Variants in GABRA1 observed in about 807,000 individuals in gnomAD.
GABRA1 encodes the protein gamma-aminobutyric acid receptor subunit alpha-1.
Under a neutral mutation model 48.9 loss-of-function variants are expected in GABRA1, and 9 were observed. The ratio of observed to expected loss-of-function variants is 0.18; its 90% CI spans 0.11 to 0.32. The LOEUF (loss-of-function observed/expected upper bound fraction) is 0.32. GABRA1 is among the 10% of genes least tolerant of loss of function. GABRA1 has a pLI of 1.00. For synonymous variants in GABRA1, 210 were observed against 198.7 expected (o/e 1.06, Z -0.48); for missense variants, 285 against 553.8 (o/e 0.51, Z 4.87).
intron 3 of GABRA1, among the ~76,000 whole-genome samples, chr5:161,859,006 T>C (rs915419697): frequency 1.2e-4 from 18 of 151,772 alleles, no homozygotes; most frequent in Non-Finnish European, 1.6e-4. Flanking sequence ...AGTAAGATTG[T>C]AGGTAGAGAA....
At chr5:161,870,103 C>A in intron 4 of GABRA1, among the ~76,000 whole-genome samples, 1 of 152,166 alleles carries the variant, frequency 6.6e-6, no homozygotes, top group East Asian at 1.9e-4. Flanking sequence ...ACTCACTTCT[C>A]ACGATTGCAG....
intron 4 of GABRA1, among the ~76,000 whole-genome samples, chr5:161,868,188 T>C (rs921411539): frequency 6.6e-6 from 1 of 152,132 alleles, no homozygotes; most frequent in Non-Finnish European, 1.5e-5. Flanking sequence ...ATGATGATAT[T>C]ACAGAATGTG....
At chr5:161,865,811 C>T (rs976860900) in intron 4 of GABRA1, 23 bp downstream of exon 4, 2 of 1,597,004 alleles carry the variant, frequency 1.3e-6, no homozygotes, top group Non-Finnish European at 1.7e-6. Context: ...TTTATCTTTG[C>T]TTTTCTTGAA....
At chr5:161,892,948 G>A (rs1383945488) in intron 8 of GABRA1, among the ~76,000 whole-genome samples, 1 of 150,492 alleles carries the variant, frequency 6.6e-6, no homozygotes, top group East Asian at 1.9e-4. Context: ...AGCTAGCAGT[G>A]AGCCAAGATC....
chr5:161,895,882 T>G lies in GABRA1; in HGVS notation c.1059+14T>G. The G allele has an allele frequency of 6.2e-7, 1 of 1,601,986 alleles. No homozygotes were observed. Among genetic ancestry groups the G allele is most frequent in the Non-Finnish European group, 8.6e-7 (1 of 1,168,958 alleles). On this transcript the variant is annotated intron_variant, in intron 9 of 9. Coordinates refer to ENST00000393943, the MANE Select transcript of GABRA1 (RefSeq NM_001127644.2). ...GTTCCAGAAAAGGTAAATGCTTTAA[T>G]GGTCACTGTAGTACATCAATATTAT...
At chr5:161,856,923 CTTT>C (rs940312645) in intron 3 of GABRA1, among the ~76,000 whole-genome samples, 1 of 150,058 alleles carries the variant, frequency 6.7e-6, no homozygotes, top group Non-Finnish European at 1.5e-5. Flanking sequence ...ATTATTGTGG[CTTT>C]TTTTTTATTT....
intron 3 of GABRA1, among the ~76,000 whole-genome samples, chr5:161,863,252 T>C (rs1284726059): frequency 6.6e-6 from 1 of 151,914 alleles, no homozygotes; most frequent in African/African-American, 2.4e-5. Flanking sequence ...AGAAAGTGGA[T>C]GTGTTAGACT....
intron 3 of GABRA1, among the ~76,000 whole-genome samples, chr5:161,861,792 A>G (rs1263117385): frequency 6.6e-6 from 1 of 151,804 alleles, no homozygotes; most frequent in Non-Finnish European, 1.5e-5. Context: ...AGCCCAGGAT[A>G]TTTTCAGTTT....
chr5:161,896,987 T>C, intron 9 of GABRA1, 124 bp from the exon 10 acceptor site: 2 of 805,884 alleles, frequency 2.5e-6, no homozygotes, highest in South Asian at 1.6e-5. Flanking sequence ...GCATAAATTA[T>C]GTTTTTAAAT....
In GABRA1 at chr5:161,895,817, T is replaced by C. The variant is rs200228901; in HGVS notation, c.1008T>C (p.Tyr336=). ...SALIEFATVN[Y]FTKRGYAWDG... ...TGATTGAGTTTGCCACAGTAAACTA[T>C]TTCACTAAGAGAGGTTATGCATGGG... Residue 336 remains tyrosine, a synonymous_variant, in exon 9 of 10, where the codon TAT becomes TAC. Transcript: ENST00000393943. The C allele has an allele frequency of 3.1e-6, 5 of 1,614,056 alleles. No individual in the cohort carries two copies. The African/African-American group carries it at 6.7e-5, about 22-fold the overall frequency.
chr5:161,865,732 G>C lies in GABRA1; in HGVS notation c.199G>C (p.Glu67Gln). ...TCCTGCTTCAACAGAGCGTGTAACC[G>C]AAGTGAAGACTGATATCTTCGTCAC... Reference protein sequence around the residue: ...LRPGLGERVTEVKTDIFVTSF... With the variant: ...LRPGLGERVTQVKTDIFVTSF... The change falls in exon 4 of 10, where the codon GAA (glutamate) becomes CAA (glutamine). Residue 67 changes from glutamate to glutamine, a missense_variant. By Grantham distance (29) the Glu-to-Gln change is conservative (BLOSUM62 2). Coordinates refer to ENST00000393943, the MANE Select transcript of GABRA1 (RefSeq NM_001127644.2). The C allele has an allele frequency of 6.2e-7, 1 of 1,612,896 alleles. No homozygotes were observed.
chr5:161,883,413 A>G (rs912168385), intron 7 of GABRA1, among the ~76,000 whole-genome samples: 2 of 152,144 alleles, frequency 1.3e-5, no homozygotes, highest in African/African-American at 4.8e-5. Flanking sequence ...CTGGACCCAC[A>G]TCTTTAAAGT....
chr5:161,859,785 A>G (rs77199840), intron 3 of GABRA1, among the ~76,000 whole-genome samples: 8,411 of 151,940 alleles, frequency 0.055, 306 homozygotes, highest in South Asian at 0.12. Context: ...AATTTCAGTC[A>G]CAAAGTGATA....
At chr5:161,861,424 C>A (rs1433785313) in intron 3 of GABRA1, among the ~76,000 whole-genome samples, 1 of 151,844 alleles carries the variant, frequency 6.6e-6, no homozygotes, top group Non-Finnish European at 1.5e-5. Flanking sequence ...CATATTACAG[C>A]ATATGGAGGT....
In GABRA1 at chr5:161,897,280, A is replaced by G. The variant is rs376031361; in HGVS notation, c.1229A>G (p.Lys410Arg). ...CCCGAAACAAAACCACCAGAACCCA[A>G]GAAAACCTTTAACAGTGTCAGCAAA... ...VKPETKPPEP[K>R]KTFNSVSKID... is the part of the protein sequence containing the mutation. The change falls in exon 10 of 10, where the codon AAG becomes AGG. Residue 410 changes from lysine to arginine, a missense_variant. Lys to Arg is a conservative substitution (Grantham distance 26). Transcript: ENST00000393943. 3.7e-6 allele frequency: 6 copies of G among 1,614,060 alleles called. No homozygotes were observed. In the African/African-American group the frequency reaches 8.0e-5, roughly 22 times the overall value.
chr5:161,892,777 G>T (rs1248002317), intron 8 of GABRA1, among the ~76,000 whole-genome samples: 1 of 152,038 alleles, frequency 6.6e-6, no homozygotes, highest in Non-Finnish European at 1.5e-5. Context: ...GGCCGAGGCG[G>T]GTGGATCACG....
chr5:161,876,784 T>G (rs550218417), intron 6 of GABRA1, among the ~76,000 whole-genome samples: 1 of 152,322 alleles, frequency 6.6e-6, no homozygotes, highest in African/African-American at 2.4e-5. Context: ...TTTGTAATAA[T>G]GACAATATGT....
intron 6 of GABRA1, among the ~76,000 whole-genome samples, chr5:161,880,203 G>A (rs1240682436): frequency 5.9e-5 from 9 of 151,946 alleles, no homozygotes; most frequent in Non-Finnish European, 1.2e-4. Context: ...TTTACCATCC[G>A]TAAAATGCAA....
At chr5:161,857,549 A>C (rs1252714175) in intron 3 of GABRA1, among the ~76,000 whole-genome samples, 2 of 151,650 alleles carry the variant, frequency 1.3e-5, no homozygotes, top group African/African-American at 4.8e-5. Flanking sequence ...GCAACCATGC[A>C]GAACTGCAAA....
Sources: gnomAD v4.1 joint callset for allele counts (sites outside exome capture counted in the v4.1 genomes callset) on GRCh38, gnomAD v4.1.1 for gene constraint, MANE v1.5 for transcripts, NCBI Gene and HGNC (gene_info 2026-07-23, HGNC 2026-07-21) for gene names.